The following SPATA13 variants were observed in gnomAD, a reference collection of about 807,000 sequenced individuals.
SPATA13 encodes spermatogenesis-associated protein 13.
SPATA13 carries 50 observed loss-of-function variants against 104.0 expected under a neutral mutation model. The observed-to-expected ratio is 0.48, with a 90% CI of 0.38 to 0.61. The LOEUF is 0.61. Ranked by LOEUF, SPATA13 falls within the 20% of genes least tolerant of loss-of-function variation. SPATA13 has a pLI of 0.00. For missense variants in SPATA13, 1,524 were observed against 1,690.6 expected (o/e 0.90, Z 1.73); for synonymous variants, 606 against 667.5 (o/e 0.91, Z 1.42).
intron 4 of SPATA13, among the ~76,000 whole-genome samples, chr13:24,268,872 C>T (rs886135033): frequency 1.1e-4 from 16 of 152,134 alleles, no homozygotes; most frequent in Non-Finnish European, 1.8e-4. Context: ...CTATGAGTTT[C>T]CCAGAAAACT....
chr13:23,998,511 T>C (rs1347370789), intron 2 of SPATA13, among the ~76,000 whole-genome samples: 1 of 152,248 alleles, frequency 6.6e-6, no homozygotes, highest in Non-Finnish European at 1.5e-5. Flanking sequence ...GTTTTCTCCC[T>C]GACTGTGGCT....
exon 2 of SPATA13, chr13:23,983,811 T>G: frequency 2.2e-6 from 2 of 893,860 alleles, no homozygotes; most frequent in Non-Finnish European, 2.7e-6. Flanking sequence ...CTGCATTTTT[T>G]GAGCTGCAGA....
chr13:24,150,126 G>A (rs79116575), intron 3 of SPATA13, among the ~76,000 whole-genome samples: 6,266 of 152,144 alleles, frequency 0.041, 308 homozygotes, highest in African/African-American at 0.11. Context: ...ACTGATGGGG[G>A]ACAGTCACAT....
intron 3 of SPATA13, among the ~76,000 whole-genome samples, chr13:24,101,258 T>C (rs2137801859): frequency 6.6e-6 from 1 of 152,336 alleles, no homozygotes; most frequent in Admixed American, 6.5e-5. Flanking sequence ...AAACTTTTCT[T>C]AAAGTCCGTA....
At chr13:24,206,479 T>A (rs112907350) in intron 1 of SPATA13, among the ~76,000 whole-genome samples, 99 of 152,328 alleles carry the variant, frequency 6.5e-4, no homozygotes, top group African/African-American at 2.3e-3. Context: ...ATAAATTAGT[T>A]CAGCCCTTGT....
At chr13:24,122,776 G>T in intron 3 of SPATA13, 1 of 791,080 alleles carries the variant, frequency 1.3e-6, no homozygotes, top group Admixed American at 1.7e-5. Context: ...ACAAGGGGAA[G>T]TAGCTGCCAC....
At chr13:24,017,828 T>C (rs1373097803) in intron 3 of SPATA13, 2 of 405,884 alleles carry the variant, frequency 4.9e-6, no homozygotes, top group Non-Finnish European at 6.7e-6. Context: ...CTCTGTAACA[T>C]ACTGTTAAAA....
At chr13:24,202,520 CTTTTTTTTTTTTTT>C (rs10608738) in intron 1 of SPATA13, among the ~76,000 whole-genome samples, 4 of 88,342 alleles carry the variant, frequency 4.5e-5, no homozygotes, top group Non-Finnish European at 6.4e-5. Context: ...CTTTCTTTCC[CTTTTTTTTTTTTTT>C]TTTTTTTTTA....
intron 2 of SPATA13, among the ~76,000 whole-genome samples, chr13:23,999,799 A>AT (rs1875872572): frequency 6.6e-6 from 1 of 152,148 alleles, no homozygotes; most frequent in South Asian, 2.1e-4. Flanking sequence ...CTATTACTTC[A>AT]TTTTTTTAAG....
chr13:24,261,020 G>A (rs890320233), intron 4 of SPATA13, among the ~76,000 whole-genome samples: 6 of 152,350 alleles, frequency 3.9e-5, no homozygotes, highest in African/African-American at 1.4e-4. Flanking sequence ...GGCTATAGCA[G>A]GATGCAGAGG....
At chr13:24,258,275 C>T (rs1393175046) in intron 4 of SPATA13, among the ~76,000 whole-genome samples, 2 of 136,582 alleles carry the variant, frequency 1.5e-5, no homozygotes, top group Non-Finnish European at 3.1e-5. Context: ...TTCTGCCTGT[C>T]AATAAGAAAG....
chr13:24,278,660 A>G (rs780222085), intron 4 of SPATA13: 4 of 1,506,386 alleles, frequency 2.7e-6, no homozygotes, highest in Non-Finnish European at 2.6e-6. Flanking sequence ...AAGCACACCA[A>G]TAACAAGTAC....
At position 24,161,049 on chromosome 13, in the gene SPATA13, TC is replaced by T; in HGVS notation, c.-112+120del. Reference sequence around the variant, plus strand: ...GCCTCGGGGCTTCGGGATGTCCAGCTCCCAGCTGCTTGGCCTCTGCTTCCCC... The same window carrying T: ...GCCTCGGGGCTTCGGGATGTCCAGCTCCAGCTGCTTGGCCTCTGCTTCCCC... On this transcript the variant is annotated intron_variant, in intron 1 of 12. Transcript: ENST00000382108. The surrounding 1 kb of genome is among the most constrained non-coding windows in gnomAD (Gnocchi z 4.5). 1.6e-6 allele frequency: 1 copy of T among 607,928 alleles called. No individual in the cohort carries two copies. The highest frequency in any genetic ancestry group is 2.1e-6 in the Non-Finnish European group (1 of 484,546). 37.7% of individuals were successfully genotyped at this position (607,928 alleles called of 1,614,324 possible).
chr13:24,180,563 C>T (rs1868736681), intron 1 of SPATA13, among the ~76,000 whole-genome samples: 2 of 152,218 alleles, frequency 1.3e-5, no homozygotes, highest in South Asian at 2.1e-4. Context: ...TGTACTGAAT[C>T]TGTAGCTGAA....
At chr13:24,127,270 G>A (rs1881249680) in intron 3 of SPATA13, among the ~76,000 whole-genome samples, 1 of 152,166 alleles carries the variant, frequency 6.6e-6, no homozygotes, top group African/African-American at 2.4e-5. Flanking sequence ...GAGGGGGTGG[G>A]AGTAGGGCAT....
At chr13:24,262,627 A>G (rs1874111639) in intron 4 of SPATA13, among the ~76,000 whole-genome samples, 1 of 152,238 alleles carries the variant, frequency 6.6e-6, no homozygotes, top group Non-Finnish European at 1.5e-5. Context: ...CAAAGTCTTC[A>G]TGTCTTTATC....
chr13:24,199,057 T>C lies in SPATA13; in HGVS notation c.-111-23762T>C, dbSNP rs368433839. The stretch of plus-strand genomic sequence containing the variant: ...GCACACACCACCACTCTCAGCTAAT[T>C]TTTGTATTTTTTACAGAGACAGGAT... On this transcript the variant is annotated intron_variant, in intron 1 of 12. Coordinates refer to ENST00000382108, the MANE Select transcript of SPATA13 (RefSeq NM_001166271.3). Among the ~76,000 whole-genome samples, 41 of 152,010 alleles carry C rather than the reference T, an allele frequency of 2.7e-4. No homozygotes were observed. The East Asian group carries it at 5.0e-3, about 19-fold the overall frequency.
At chr13:24,153,418 C>G (rs1044074377) in intron 3 of SPATA13, among the ~76,000 whole-genome samples, 1 of 152,196 alleles carries the variant, frequency 6.6e-6, no homozygotes, top group Non-Finnish European at 1.5e-5. Flanking sequence ...TTGTTCTTGT[C>G]AGGTAGACAA....
intron 3 of SPATA13, among the ~76,000 whole-genome samples, chr13:24,140,864 G>T (rs573608019): frequency 6.6e-6 from 1 of 152,212 alleles, no homozygotes; most frequent in Admixed American, 6.5e-5. Flanking sequence ...TCATATAATC[G>T]TAAAGGAGAA....
Sources: allele counts gnomAD v4.1 joint callset (sites outside exome capture counted in the v4.1 genomes callset), GRCh38; gene constraint gnomAD v4.1.1; non-coding constraint Gnocchi (gnomAD v3.1); transcripts MANE v1.5; gene names NCBI Gene and HGNC (gene_info 2026-07-23, HGNC 2026-07-21).